Variants in MAML3 observed in about 807,000 individuals in gnomAD.
MAML3 encodes the protein mastermind like transcriptional coactivator 3.
In MAML3, 27 loss-of-function variants were observed where a neutral mutation model predicts 101.9. The observed-to-expected ratio is 0.27, with a 90% CI of 0.20 to 0.37. The LOEUF (loss-of-function observed/expected upper bound fraction) is 0.37. Among genes scored for constraint, MAML3 ranks in the 10% least tolerant of loss-of-function variants. The pLI is 1.00. For missense variants in MAML3, 1,316 were observed against 1,444.9 expected (o/e 0.91, Z 1.45); for synonymous variants, 501 against 555.9 (o/e 0.90, Z 1.39).
At chr4:140,053,163 C>T (rs942757087) in intron 1 of MAML3, among the ~76,000 whole-genome samples, 18 of 152,084 alleles carry the variant, frequency 1.2e-4, no homozygotes, top group South Asian at 2.1e-4. Context: ...CAGCAGCCAC[C>T]GACAACTGGT....
intron 2 of MAML3, among the ~76,000 whole-genome samples, chr4:139,821,758 G>T (rs1344750123): frequency 6.6e-6 from 1 of 152,168 alleles, no homozygotes; most frequent in Non-Finnish European, 1.5e-5. Flanking sequence ...AACAAAATGT[G>T]CCAGGCCAAT....
intron 1 of MAML3, among the ~76,000 whole-genome samples, chr4:140,041,048 A>G (rs1269710364): frequency 6.6e-6 from 1 of 152,160 alleles, no homozygotes; most frequent in Non-Finnish European, 1.5e-5. Flanking sequence ...GACTGTGAAC[A>G]TTTTTAAAAT....
In MAML3 at chr4:140,111,385, C is replaced by T. The variant is rs575390724; in HGVS notation, c.468+41475G>A. Among the ~76,000 whole-genome samples the T allele has an allele frequency of 2.6e-5, 4 of 152,320 alleles. No individual in the cohort carries two copies. In the East Asian group the frequency reaches 7.7e-4, roughly 29 times the overall value. ...AAAATTCAATAGTTTGCATCATTTT[C>T]TACAGGATATCACAGATAGAGATGC... On this transcript the variant is annotated intron_variant, in intron 1 of 4. Coordinates refer to ENST00000509479, the MANE Select transcript of MAML3 (RefSeq NM_018717.5).
chr4:139,884,865 C>T (rs1227876428), intron 2 of MAML3, among the ~76,000 whole-genome samples: 2 of 152,096 alleles, frequency 1.3e-5, no homozygotes, highest in Non-Finnish European at 2.9e-5. Context: ...TATTGAATAT[C>T]CTTATGTTTA....
At chr4:139,862,212 A>AAAAC (rs1392344080) in intron 2 of MAML3, among the ~76,000 whole-genome samples, 1 of 152,212 alleles carries the variant, frequency 6.6e-6, no homozygotes, top group Non-Finnish European at 1.5e-5. Flanking sequence ...TCTTGTCTCA[A>AAAAC]AAACAAACAA....
At chr4:139,807,404 C>T (rs1578610737) in intron 2 of MAML3, among the ~76,000 whole-genome samples, 1 of 152,164 alleles carries the variant, frequency 6.6e-6, no homozygotes, top group South Asian at 2.1e-4. Context: ...TACCTTAAAC[C>T]CTGCACTTGT....
At chr4:140,148,865 T>C (rs190653114) in intron 1 of MAML3, among the ~76,000 whole-genome samples, 8 of 152,348 alleles carry the variant, frequency 5.3e-5, no homozygotes, top group East Asian at 1.9e-4. Flanking sequence ...AGGGGTCACA[T>C]AGATTTATGC....
At chr4:139,987,966 G>A (rs1455357068) in intron 1 of MAML3, among the ~76,000 whole-genome samples, 2 of 137,768 alleles carry the variant, frequency 1.5e-5, no homozygotes, top group African/African-American at 2.8e-5. Flanking sequence ...AGGCTGCAGT[G>A]AGCTGAGATC....
rs1490131996 is a variant in MAML3 at position 140,033,531 on chromosome 4, G to A, written c.468+119329C>T. The stretch of plus-strand genomic sequence containing the variant: ...CAGCCTGAGGAGCATCTCAACTCCC[G>A]AATGACATTTGATCGCCTCACTGGA... On this transcript the variant is annotated intron_variant, in intron 1 of 4. Transcript: ENST00000509479. Among the ~76,000 whole-genome samples the A allele has an allele frequency of 7.9e-5, 12 of 152,256 alleles. 1 individual carries two copies. The highest frequency in any genetic ancestry group is 2.9e-4 in the African/African-American group (12 of 41,560).
In MAML3 at chr4:139,952,558, A is replaced by T. The variant is rs1023668561; in HGVS notation, c.469-61591T>A. 2.8e-5 allele frequency among the ~76,000 whole-genome samples: 4 copies of T among 144,966 alleles called. No individual in the cohort carries two copies. The East Asian group carries it at 7.8e-4, about 28-fold the overall frequency. ...AAACAAAATCCCATCCACTGCAGTT[A>T]AAAAAAAACAAAACCAAGTACATTT... On this transcript the variant is annotated intron_variant, in intron 1 of 4. Transcript: ENST00000509479.
At chr4:139,911,484 C>T (rs762983589) in intron 1 of MAML3, among the ~76,000 whole-genome samples, 1 of 152,186 alleles carries the variant, frequency 6.6e-6, no homozygotes, top group African/African-American at 2.4e-5. Context: ...TCCCAAAGTG[C>T]TGGAATTACA....
At chr4:139,984,817 A>C (rs1213147981) in intron 1 of MAML3, among the ~76,000 whole-genome samples, 3 of 152,162 alleles carry the variant, frequency 2.0e-5, no homozygotes, top group Non-Finnish European at 4.4e-5. Context: ...AATCTCCTTT[A>C]TTTCAAGTGA....
intron 2 of MAML3, among the ~76,000 whole-genome samples, chr4:139,837,489 C>G (rs1225065354): frequency 6.6e-6 from 1 of 151,976 alleles, no homozygotes. Flanking sequence ...CACAGCAAGA[C>G]TCCATCTCCA....
chr4:140,071,923 T>C (rs976688717), intron 1 of MAML3, among the ~76,000 whole-genome samples: 17 of 152,160 alleles, frequency 1.1e-4, no homozygotes, highest in Non-Finnish European at 2.4e-4. Context: ...TGTCCTAGAA[T>C]GTAATATTTG....
Position 139,898,632 on chromosome 4 carries a change from G to C in MAML3, c.469-7665C>G, listed in dbSNP as rs955126434. ...CTTGAAGATAAGAGAGTCTTAGCTT[G>C]CAGATGCTATAACTAGTTTAGAGGC... is the stretch of plus-strand genomic sequence containing the variant. On this transcript the variant is annotated intron_variant, in intron 1 of 4. Transcript: ENST00000509479. Among the ~76,000 whole-genome samples the C allele has an allele frequency of 3.9e-5, 6 of 152,210 alleles. No homozygotes were observed. In the East Asian group the frequency reaches 1.2e-3, roughly 29 times the overall value.
At chr4:140,025,803 C>T (rs1021083452) in intron 1 of MAML3, among the ~76,000 whole-genome samples, 1 of 152,194 alleles carries the variant, frequency 6.6e-6, no homozygotes, top group Non-Finnish European at 1.5e-5. Context: ...AAAAATACTA[C>T]ATAAAATGAG....
intron 2 of MAML3, among the ~76,000 whole-genome samples, chr4:139,750,835 C>G (rs1289977117): frequency 4.6e-5 from 7 of 152,174 alleles, no homozygotes; most frequent in African/African-American, 1.7e-4. Flanking sequence ...CTCCCTACCC[C>G]CTTTTAAAAA....
intron 1 of MAML3, among the ~76,000 whole-genome samples, chr4:139,901,595 G>T (rs1211164776): frequency 1.3e-5 from 2 of 152,180 alleles, no homozygotes; most frequent in African/African-American, 4.8e-5. Flanking sequence ...GGTAAAGGAG[G>T]TTGGTGAGGA....
Position 139,930,029 on chromosome 4 carries a change from C to T in MAML3, c.469-39062G>A, listed in dbSNP as rs114101424. On this transcript the variant is annotated intron_variant, in intron 1 of 4. Coordinates refer to ENST00000509479, the MANE Select transcript of MAML3 (RefSeq NM_018717.5). ...CCCCGTTTGTACAGGTGAGTGACTT[C>T]AAGCCTTATTTTAGACAAAGTGTCT... Among the ~76,000 whole-genome samples the T allele has an allele frequency of 4.6e-3, 702 of 152,308 alleles. 8 individuals carry two copies. Among genetic ancestry groups the T allele is most frequent in the African/African-American group, 0.016 (668 of 41,562 alleles).
Sources: gnomAD v4.1 joint callset for allele counts (sites outside exome capture counted in the v4.1 genomes callset) on GRCh38, gnomAD v4.1.1 for gene constraint, MANE v1.5 for transcripts, NCBI Gene and HGNC (gene_info 2026-07-23, HGNC 2026-07-21) for gene names.